TTN: variants seen among roughly 807,000 people sequenced by gnomAD.
TTN encodes connectin.
A neutral mutation model predicts 3,223.0 loss-of-function variants in TTN; 1,525 were observed. The observed-to-expected ratio is 0.47, with a 90% confidence interval of 0.45 to 0.49. The LOEUF (loss-of-function observed/expected upper bound fraction) is 0.49, where lower values mean the gene tolerates loss of function less well. TTN is among the 20% of genes least tolerant of loss of function. The probability of loss-of-function intolerance (pLI) is 0.00; values close to 1 mark genes in which losing one functional copy is unlikely to be tolerated. For synonymous variants in TTN, 14,094 were observed against 15,161.0 expected (o/e 0.93, Z 5.17); for missense variants, 40,786 against 43,424.0 (o/e 0.94, Z 5.40).
chr2:178,633,671 C>A lies in TTN; in HGVS notation c.42688G>T (p.Asp14230Tyr). ...TGTAATTTCACAGTGAAGTAGGGAT[C>A]GGCCTCTGTAAAAGACATTTAGCAT... ...STAQLKVLEA[D>Y]PYFTVKLHDK... The change falls in exon 232 of 363, where the codon GAT (aspartate) becomes TAT (tyrosine). Residue 14230 changes from aspartate to tyrosine, a missense_variant. Transcript: ENST00000589042. 1 of 1,612,386 alleles carries A rather than the reference C, an allele frequency of 6.2e-7. No individual in the cohort carries two copies. Among genetic ancestry groups the A allele is most frequent in the East Asian group, 2.2e-5 (1 of 44,598 alleles).
intron 166 of TTN, 54 bp downstream of exon 166, chr2:178,664,798 A>G: frequency 6.2e-7 from 1 of 1,610,348 alleles, no homozygotes; most frequent in South Asian, 1.1e-5. Flanking sequence ...TAGCAAAAAT[A>G]TTCTCAAAAC....
chr2:178,748,699 T>C, intron 47 of TTN: 1 of 1,612,756 alleles, frequency 6.2e-7, no homozygotes, highest in Non-Finnish European at 8.5e-7. Context: ...GTGATTCATG[T>C]TCAGCTCTTT....
chr2:178,705,226 A>C lies in TTN; in HGVS notation c.29552T>G (p.Leu9851Arg). ...TTGCTTGAGCAGTTCAAATGCTTGA[A>C]GAAGACCTCGGAAGTCAGTGATTCC... is the stretch of plus-strand genomic sequence containing the variant. ...MYGITDFRGL[L>R]QAFELLKQSQ... Residue 9851 changes from leucine to arginine, a missense_variant, in exon 103 of 363, where the codon CTT becomes CGT. Leu to Arg is a moderately radical substitution (Grantham distance 102). Transcript: ENST00000589042. 6.2e-7 allele frequency: 1 copy of C among 1,613,794 alleles called. No individual in the cohort carries two copies. The highest frequency in any genetic ancestry group is 8.5e-7 in the Non-Finnish European group (1 of 1,179,760).
Position 178,802,202 on chromosome 2 carries a change from T to C in TTN, c.231A>G (p.Arg77=). 6.2e-7 allele frequency: 1 copy of C among 1,614,148 alleles called. No individual in the cohort carries two copies. Among genetic ancestry groups the C allele is most frequent in the Non-Finnish European group, 8.5e-7 (1 of 1,180,008 alleles). ...IPAVTKANSG[R]YSLKATNGSG... ...ATCCATTGGTGGCTTTCAGGGAATA[T>C]CGTCCACTGTTGGCTTTAGTCACGG... Residue 77 remains arginine (R), a synonymous_variant, in exon 3 of 363, where the codon CGA becomes CGG. Coordinates refer to ENST00000589042, the MANE Select transcript of TTN (RefSeq NM_001267550.2).
Position 178,541,284 on chromosome 2 carries a change from A to G in TTN, c.97793T>C (p.Ile32598Thr), listed in dbSNP as rs752913814. 2 of 1,499,662 alleles carry G rather than the reference A, an allele frequency of 1.3e-6. No homozygotes were observed. Among genetic ancestry groups the G allele is most frequent in the Admixed American group, 2.1e-5 (1 of 47,832 alleles). 92.9% of individuals were successfully genotyped at this position (1,499,662 alleles called of 1,614,324 possible). A position where few individuals can be genotyped will look rare whatever the true frequency, so the allele number is the denominator to read the frequency against. ...TGACTGATACAAAATGTCCTTACCA[A>G]TTGGATCCATGGCAACGATGGGTTT... ...PSKPIVAMDP[I>T]APPGKPQNPR... Residue 32598 changes from isoleucine to threonine, a missense_variant and splice_region_variant, in exon 350 of 363, where the codon ATT (isoleucine) becomes ACT (threonine). Transcript: ENST00000589042.
Position 178,588,805 on chromosome 2 carries a change from TAGTGACTTCTGGGGGATC to T in TTN, c.62902_62919del (p.Asp20968_Thr20973del). On this transcript the variant is annotated inframe_deletion, in exon 304 of 363. Coordinates refer to ENST00000589042, the MANE Select transcript of TTN (RefSeq NM_001267550.2). ...ACAGTCATCTCTTCTTTGCTTACTT[TAGTGACTTCTGGGGGATC>T]AGGGCGACCAGGTTTATCATACTTG... The T allele has an allele frequency of 6.2e-7, 1 of 1,613,368 alleles. No individual in the cohort carries two copies. The highest frequency in any genetic ancestry group is 1.1e-5 in the South Asian group (1 of 91,062).
In TTN at chr2:178,550,074, A is replaced by G. The variant is rs753415739; in HGVS notation, c.91764T>C (p.Asp30588=). The G allele has an allele frequency of 1.2e-6, 2 of 1,613,798 alleles. No homozygotes were observed. The highest frequency in any genetic ancestry group is 1.7e-6 in the Non-Finnish European group (2 of 1,179,768). ...VLGSTSLFVR[D]ATRDHRGVYT... ...ATACACCACGATGGTCCCGAGTAGC[A>G]TCTCTAACAAATAGGCTGGTGGATC... The change falls in exon 337 of 363, where the codon GAT becomes GAC. Residue 30588 remains aspartate, a synonymous_variant. Coordinates refer to ENST00000589042, the MANE Select transcript of TTN (RefSeq NM_001267550.2).
Position 178,714,126 on chromosome 2 carries a change from T to C in TTN, c.26532A>G (p.Gly8844=). 6.2e-7 allele frequency: 1 copy of C among 1,613,642 alleles called. No individual in the cohort carries two copies. The highest frequency in any genetic ancestry group is 8.5e-7 in the Non-Finnish European group (1 of 1,179,698). ...EKPESIKVTT[G]DTCTLECTVA... ...CTGTACACTCCAAGGTACAGGTGTC[T>C]CCCGTGGTAACTTTTATGGATTCTG... The change falls in exon 92 of 363, where the codon GGA becomes GGG. Residue 8844 remains glycine (G), a synonymous_variant. Transcript: ENST00000589042.
intron 99 of TTN, 105 bp downstream of exon 99, chr2:178,709,461 T>C: frequency 8.6e-7 from 1 of 1,168,760 alleles, no homozygotes; most frequent in South Asian, 1.8e-5. Context: ...TGTGTATTTA[T>C]ATTTGTTATA....
rs1704894425 is a variant in TTN, at chr2:178,564,412, T to A, written c.81720A>T (p.Arg27240Ser). The change falls in exon 326 of 363, where the codon AGA becomes AGT. Residue 27240 changes from arginine to serine, a missense_variant. Transcript: ENST00000589042. ...FTVSGLVEDQ[R>S]YEFRVIARNA... ...TTCTTGCAATTACTCTAAATTCATA[T>A]CTTTGGTCTTCTACAAGTCCACTCA... 6.2e-7 allele frequency: 1 copy of A among 1,613,208 alleles called. No homozygotes were observed. The highest frequency in any genetic ancestry group is 1.3e-5 in the African/African-American group (1 of 74,912).
In TTN at chr2:178,532,575, C is replaced by T. The variant is rs183041707; in HGVS notation, c.104040G>A (p.Arg34680=). The T allele has an allele frequency of 5.6e-6, 9 of 1,613,924 alleles. No homozygotes were observed. The highest frequency in any genetic ancestry group is 1.3e-5 in the African/African-American group (1 of 75,018). The change falls in exon 358 of 363, where the codon AGG becomes AGA. Residue 34680 remains arginine, a synonymous_variant. Coordinates refer to ENST00000589042, the MANE Select transcript of TTN (RefSeq NM_001267550.2). Reference sequence around the variant, plus strand: ...ACTCAAGCTCTTCTTCAAGACGCAGCCTCTCTTCCTCTGTTCTTTTCATTG... The same window carrying T: ...ACTCAAGCTCTTCTTCAAGACGCAGTCTCTCTTCCTCTGTTCTTTTCATTG... The part of the protein sequence containing the change: ...YLAMKRTEEE[R]LRLEEELELG...
Position 178,775,639 on chromosome 2 carries a change from C to T in TTN, c.6225G>A (p.Met2075Ile). The T allele has an allele frequency of 6.2e-7, 1 of 1,614,078 alleles. No homozygotes were observed. Among genetic ancestry groups the T allele is most frequent in the Non-Finnish European group, 8.5e-7 (1 of 1,179,990 alleles). Residue 2075 changes from methionine to isoleucine, a missense_variant, in exon 28 of 363, where the codon ATG becomes ATA. Met to Ile is a conservative substitution (Grantham distance 10). Transcript: ENST00000589042. Reference sequence around the variant, plus strand: ...TTCTTTCGAAGATTTTTGGAGCCTCCATACTAGGACTTAGTTCAATCTTGT... The same window carrying T: ...TTCTTTCGAAGATTTTTGGAGCCTCTATACTAGGACTTAGTTCAATCTTGT... ...KPDKIELSPS[M>I]EAPKIFERIQ...
chr2:178,713,211 T>G lies in TTN; in HGVS notation c.26923A>C (p.Thr8975Pro), dbSNP rs1162554915. Residue 8975 changes from threonine (T) to proline (P), a missense_variant, in exon 93 of 363, where the codon ACC (threonine) becomes CCC (proline). Physicochemically the swap from Thr to Pro is conservative, Grantham distance 38 (BLOSUM62 -1). Coordinates refer to ENST00000589042, the MANE Select transcript of TTN (RefSeq NM_001267550.2). Reference protein sequence around the residue: ...EISSGRKYQTTLTDNTCALTV... With the variant: ...EISSGRKYQTPLTDNTCALTV... ...AAAGCACAAGTATTATCTGTCAGGG[T>G]GGTCTGGTATTTCCTTCCACTACTG... The G allele has an allele frequency of 6.2e-7, 1 of 1,613,526 alleles. No individual in the cohort carries two copies. Among genetic ancestry groups the G allele is most frequent in the Non-Finnish European group, 8.5e-7 (1 of 1,179,750 alleles).
rs1394478357 is a variant in TTN at position 178,601,550 on chromosome 2, G to A, written c.55447C>T (p.Pro18483Ser). 2 of 1,611,424 alleles carry A rather than the reference G, an allele frequency of 1.2e-6. No individual in the cohort carries two copies. Among genetic ancestry groups the A allele is most frequent in the Non-Finnish European group, 1.7e-6 (2 of 1,178,434 alleles). Residue 18483 changes from proline (P) to serine (S), a missense_variant, in exon 287 of 363, where the codon CCC becomes TCC. By Grantham distance (74) the Pro-to-Ser change is moderately conservative (BLOSUM62 -1). Transcript: ENST00000589042. Reference sequence around the variant, plus strand: ...ATATCACTGACTTTCAGATCTTTGGGTGGGCCTGGTACATCTGTTGGATGT... The same window carrying A: ...ATATCACTGACTTTCAGATCTTTGGATGGGCCTGGTACATCTGTTGGATGT... ...RVKVMDVPGP[P>S]KDLKVSDITR...
At chr2:178,752,342 A>G (rs1405167804) in intron 47 of TTN, among the ~76,000 whole-genome samples, 1 of 152,060 alleles carries the variant, frequency 6.6e-6, no homozygotes, top group African/African-American at 2.4e-5. Context: ...GAGCAGGAAA[A>G]CTTTGTTCTT....
At chr2:178,604,667 G>T in intron 281 of TTN, 41 bp downstream of exon 281, 1 of 1,532,036 alleles carries the variant, frequency 6.5e-7, no homozygotes, top group South Asian at 1.3e-5. Flanking sequence ...CCAGAGTCAT[G>T]TACTTTTAAT....
intron 180 of TTN, among the ~76,000 whole-genome samples, chr2:178,660,925 T>C (rs2064639113): frequency 7.5e-6 from 1 of 133,398 alleles, no homozygotes; most frequent in Non-Finnish European, 1.6e-5. Flanking sequence ...CAAGAAAAAA[T>C]GCTCATCATC....
At position 178,556,828 on chromosome 2, in the gene TTN, A is replaced by G. The variant is rs1028934147; in HGVS notation, c.88306+20T>C. 12 of 1,611,178 alleles carry G rather than the reference A, an allele frequency of 7.4e-6. No individual in the cohort carries two copies. The highest frequency in any genetic ancestry group is 9.3e-6 in the Non-Finnish European group (11 of 1,179,388). ...CTGAGTTAAATAGCAATTTTGATTC[A>G]AAGTGCTAAGCATGCTTACCATAAG... On this transcript the variant is annotated intron_variant, in intron 330 of 362. Transcript: ENST00000589042.
In TTN at chr2:178,605,066, C is replaced by T; in HGVS notation, c.54111G>A (p.Arg18037=). The change falls in exon 280 of 363, where the codon CGG becomes CGA. Residue 18037 remains arginine (R), a synonymous_variant. Transcript: ENST00000589042. ...TAACTGTGTAAGTGCCTTTGTCCTC[C>T]CGGACCGCTTTGGGAATGCTAAGCT... ...KTELSIPKAV[R]EDKGTYTVTA... 1.2e-6 allele frequency: 2 copies of T among 1,612,466 alleles called. No homozygotes were observed. Among genetic ancestry groups the T allele is most frequent in the Non-Finnish European group, 1.7e-6 (2 of 1,179,022 alleles).
Sources: allele counts gnomAD v4.1 joint callset (sites outside exome capture counted in the v4.1 genomes callset), GRCh38; gene constraint gnomAD v4.1.1; transcripts MANE v1.5; gene names NCBI Gene and HGNC (gene_info 2026-07-23, HGNC 2026-07-21).